Variants in MARCKS observed in about 807,000 individuals in gnomAD.
MARCKS encodes myristoylated alanine-rich C-kinase substrate.
A neutral mutation model predicts 6.3 loss-of-function variants in MARCKS; 4 were observed. The ratio of observed to expected loss-of-function variants is 0.63; its 90% CI spans 0.31 to 1.45. The LOEUF (loss-of-function observed/expected upper bound fraction) is 1.45, where lower values mean the gene tolerates loss of function less well. Ranked by LOEUF, MARCKS falls within the 40% of genes most tolerant of loss-of-function variation. MARCKS has a pLI of 0.07. For synonymous variants in MARCKS, 289 were observed against 236.5 expected, an observed-to-expected ratio of 1.22 and a Z score of -2.04; for missense variants, 636 against 485.7, an observed-to-expected ratio of 1.31 and a Z score of -2.91.
At position 113,860,443 on chromosome 6, in the gene MARCKS, G is replaced by A. The variant is rs1233492022; in HGVS notation, c.863G>A (p.Gly288Asp). 4.2e-6 allele frequency: 5 copies of A among 1,203,266 alleles called. No homozygotes were observed. Among genetic ancestry groups the A allele is most frequent in the Non-Finnish European group, 5.2e-6 (5 of 957,662 alleles). 74.5% of individuals were successfully genotyped at this position (1,203,266 alleles called of 1,614,324 possible). A position where few individuals can be genotyped will look rare whatever the true frequency, so the allele number is the denominator to read the frequency against. The change falls in exon 2 of 2, where the codon GGC becomes GAC. Residue 288 changes from glycine (G) to aspartate (D), a missense_variant. Transcript: ENST00000612661. ...ACEAPSAAGP[G>D]APPEQEAAPA... ...GAGGCCCCCTCCGCCGCCGGGCCCG[G>A]CGCGCCCCCGGAGCAGGAGGCAGCC...
chr6:113,858,202 CG>C (rs1427741209), intron 1 of MARCKS, among the ~76,000 whole-genome samples: 1 of 150,726 alleles, frequency 6.6e-6, no homozygotes, highest in East Asian at 2.0e-4. Flanking sequence ...GGGTGTCTCT[CG>C]GGTTTGTTGT....
Position 113,857,597 on chromosome 6 carries a change from ACCACCC to A in MARCKS, c.-140_-135del. On this transcript the variant is annotated 5_prime_UTR_variant, in exon 1 of 2. Coordinates refer to ENST00000612661, the MANE Select transcript of MARCKS (RefSeq NM_002356.7). ...TAATCGGTTCTGTTCTGTCCTCTCC[ACCACCC>A]CCACCCCCCTCCCTCCGGTGTGTGT... The A allele has an allele frequency of 4.7e-6, 1 of 213,428 alleles. No homozygotes were observed. Among genetic ancestry groups the A allele is most frequent in the Non-Finnish European group, 8.6e-6 (1 of 116,334 alleles). The allele number at this position is 213,428 out of a possible 1,614,324, so 13.2% of individuals were successfully genotyped here.
At position 113,860,138 on chromosome 6, in the gene MARCKS, G is replaced by T; in HGVS notation, c.558G>T (p.Ala186=). 1 of 1,473,928 alleles carries T rather than the reference G, an allele frequency of 6.8e-7. No homozygotes were observed. Among genetic ancestry groups the T allele is most frequent in the Non-Finnish European group, 9.0e-7 (1 of 1,106,254 alleles). The allele number at this position is 1,473,928 out of a possible 1,614,324, so 91.3% of individuals were successfully genotyped here. ...KEAGEGGEAE[A]PAAEGGKDEA... ...CTGGAGAAGGCGGTGAGGCTGAGGCGCCCGCTGCCGAAGGCGGCAAGGACG... is the reference window on the plus strand; with the variant it reads ...CTGGAGAAGGCGGTGAGGCTGAGGCTCCCGCTGCCGAAGGCGGCAAGGACG... Residue 186 remains alanine, a synonymous_variant, in exon 2 of 2, where the codon GCG becomes GCT. Coordinates refer to ENST00000612661, the MANE Select transcript of MARCKS (RefSeq NM_002356.7).
In MARCKS at chr6:113,860,681, A is replaced by G; in HGVS notation, c.*102A>G. On this transcript the variant is annotated 3_prime_UTR_variant, in exon 2 of 2. Transcript: ENST00000612661. Reference sequence around the variant, plus strand: ...TTGGAGAACTTGTCTACAACCAGGGATTGATTTTAAAGATGTCTTTTTTTA... The same window carrying G: ...TTGGAGAACTTGTCTACAACCAGGGGTTGATTTTAAAGATGTCTTTTTTTA... 2.5e-6 allele frequency: 2 copies of G among 789,482 alleles called. No individual in the cohort carries two copies. Among genetic ancestry groups the G allele is most frequent in the Non-Finnish European group, 1.8e-6 (1 of 552,934 alleles). The allele number at this position is 789,482 out of a possible 1,614,324, so 48.9% of individuals were successfully genotyped here.
chr6:113,859,939 C>T lies in MARCKS; in HGVS notation c.359C>T (p.Thr120Met), dbSNP rs1774860409. The T allele has an allele frequency of 6.7e-7, 1 of 1,483,838 alleles. No homozygotes were observed. The highest frequency in any genetic ancestry group is 2.9e-5 in the East Asian group (1 of 35,076). The allele number at this position is 1,483,838 out of a possible 1,614,324, so 91.9% of individuals were successfully genotyped here. Residue 120 changes from threonine to methionine, a missense_variant, in exon 2 of 2, where the codon ACG becomes ATG. Physicochemically the swap from Thr to Met is moderately conservative, Grantham distance 81. Transcript: ENST00000612661. Reference sequence around the variant, plus strand: ...GAGGCTGCCGAGCCCGGCTCGCCCACGGCCGCGGAGGGAGAGGCCGCGTCG... The same window carrying T: ...GAGGCTGCCGAGCCCGGCTCGCCCATGGCCGCGGAGGGAGAGGCCGCGTCG... ...EGEAAEPGSP[T>M]AAEGEAASAA... is the part of the protein sequence containing the mutation.
At position 113,861,084 on chromosome 6, in the gene MARCKS, T is replaced by C. The variant is rs1463324956; in HGVS notation, c.*505T>C. 2.0e-5 allele frequency: 3 copies of C among 151,230 alleles called. No homozygotes were observed. Among genetic ancestry groups the C allele is most frequent in the African/African-American group, 7.3e-5 (3 of 41,130 alleles). 9.4% of individuals were successfully genotyped at this position (151,230 alleles called of 1,614,324 possible). A position where few individuals can be genotyped will look rare whatever the true frequency, so the allele number is the denominator to read the frequency against. On this transcript the variant is annotated 3_prime_UTR_variant, in exon 2 of 2. Transcript: ENST00000612661. ...TGGTGTAAAGGCTGTCTTTTTTTTTTTTTTAAAAGAAAAGTTATTACCATG... is the reference window on the plus strand; with the variant it reads ...TGGTGTAAAGGCTGTCTTTTTTTTTCTTTTAAAAGAAAAGTTATTACCATG...
intron 1 of MARCKS, among the ~76,000 whole-genome samples, chr6:113,858,997 C>A (rs1381165754): frequency 6.6e-6 from 1 of 152,094 alleles, no homozygotes; most frequent in African/African-American, 2.4e-5. Context: ...GATCCGGGCT[C>A]GGGGGCGCCT....
chr6:113,860,308 C>A lies in MARCKS; in HGVS notation c.728C>A (p.Ala243Asp). 1 of 1,289,060 alleles carries A rather than the reference C, an allele frequency of 7.8e-7. No homozygotes were observed. The highest frequency in any genetic ancestry group is 5.7e-5 in the East Asian group (1 of 17,628). 79.9% of individuals were successfully genotyped at this position (1,289,060 alleles called of 1,614,324 possible). A position where few individuals can be genotyped will look rare whatever the true frequency, so the allele number is the denominator to read the frequency against. Residue 243 changes from alanine to aspartate, a missense_variant, in exon 2 of 2, where the codon GCT becomes GAT. Physicochemically the swap from Ala to Asp is moderately radical, Grantham distance 126 (BLOSUM62 -2). Coordinates refer to ENST00000612661, the MANE Select transcript of MARCKS (RefSeq NM_002356.7). ...DPQEAKPQEA[A>D]VAPEKPPASD... ...CAGGAGGCCAAGCCCCAGGAGGCCG[C>A]TGTCGCGCCAGAGAAGCCGCCCGCC... is the stretch of plus-strand genomic sequence containing the variant.
rs1284512238 is a variant in MARCKS at position 113,860,045 on chromosome 6, G to A, written c.465G>A (p.Lys155=). The change falls in exon 2 of 2, where the codon AAG becomes AAA. Residue 155 remains lysine, a synonymous_variant. Transcript: ENST00000612661. Reference sequence around the variant, plus strand: ...GCAACGAGACCCCGAAAAAAAAAAAGAAGCGCTTTTCCTTCAAGAAGTCTT... The same window carrying A: ...GCAACGAGACCCCGAAAAAAAAAAAAAAGCGCTTTTCCTTCAAGAAGTCTT... ...SPSNETPKKK[K]KRFSFKKSFK... 1.9e-6 allele frequency: 3 copies of A among 1,565,262 alleles called. No homozygotes were observed. Among genetic ancestry groups the A allele is most frequent in the African/African-American group, 1.4e-5 (1 of 71,324 alleles).
Position 113,860,726 on chromosome 6 carries a change from C to A in MARCKS, c.*147C>A. Reference sequence around the variant, plus strand: ...TTTTTATTTTACTTTTTTTTAAGCACCAAATTTTGTTGTTTTTTTTTTTTC... The same window carrying A: ...TTTTTATTTTACTTTTTTTTAAGCAACAAATTTTGTTGTTTTTTTTTTTTC... On this transcript the variant is annotated 3_prime_UTR_variant, in exon 2 of 2. Transcript: ENST00000612661. 2.0e-6 allele frequency: 1 copy of A among 509,612 alleles called. No individual in the cohort carries two copies. The allele number at this position is 509,612 out of a possible 1,614,324, so 31.6% of individuals were successfully genotyped here.
Position 113,860,475 on chromosome 6 carries a change from G to A in MARCKS, c.895G>A (p.Glu299Lys), listed in dbSNP as rs745339668. Residue 299 changes from glutamate to lysine, a missense_variant, in exon 2 of 2, where the codon GAG (glutamate) becomes AAG (lysine). Physicochemically the swap from Glu to Lys is moderately conservative, Grantham distance 56 (BLOSUM62 1). Transcript: ENST00000612661. ...CCCGGAGCAGGAGGCAGCCCCCGCG[G>A]AGGAGCCCGCGGCCGCCGCAGCCTC... ...APPEQEAAPA[E>K]EPAAAAASSA... 2 of 1,459,848 alleles carry A rather than the reference G, an allele frequency of 1.4e-6. No homozygotes were observed. The highest frequency in any genetic ancestry group is 1.9e-4 in the Middle Eastern group (1 of 5,206). The allele number at this position is 1,459,848 out of a possible 1,614,324, so 90.4% of individuals were successfully genotyped here. A position where few individuals can be genotyped will look rare whatever the true frequency, so the allele number is the denominator to read the frequency against.
rs1774867323 is a variant in MARCKS, at chr6:113,860,162, C to G, written c.582C>G (p.Asp194Glu). ...AEAPAAEGGK[D>E]EAAGGAAAAA... ...CGCCCGCTGCCGAAGGCGGCAAGGACGAGGCCGCCGGGGGCGCAGCTGCGG... is the reference window on the plus strand; with the variant it reads ...CGCCCGCTGCCGAAGGCGGCAAGGAGGAGGCCGCCGGGGGCGCAGCTGCGG... Residue 194 changes from aspartate to glutamate, a missense_variant, in exon 2 of 2, where the codon GAC becomes GAG. Coordinates refer to ENST00000612661, the MANE Select transcript of MARCKS (RefSeq NM_002356.7). The G allele has an allele frequency of 1.5e-6, 2 of 1,372,034 alleles. No homozygotes were observed. Among genetic ancestry groups the G allele is most frequent in the South Asian group, 1.6e-5 (1 of 62,982 alleles). 85.0% of individuals were successfully genotyped at this position (1,372,034 alleles called of 1,614,324 possible). A position where few individuals can be genotyped will look rare whatever the true frequency, so the allele number is the denominator to read the frequency against.
At position 113,860,245 on chromosome 6, in the gene MARCKS, C is replaced by T; in HGVS notation, c.665C>T (p.Ala222Val). 1.9e-6 allele frequency: 2 copies of T among 1,080,558 alleles called. No homozygotes were observed. The highest frequency in any genetic ancestry group is 3.2e-5 in the South Asian group (1 of 31,694). 66.9% of individuals were successfully genotyped at this position (1,080,558 alleles called of 1,614,324 possible). ...GEQAAAPGEEAAAGEEGAAGG... is the reference protein window; with the variant it reads ...GEQAAAPGEEVAAGEEGAAGG... ...CAGGCAGCGGCGCCGGGCGAGGAGG[C>T]GGCAGCGGGCGAGGAGGGGGCGGCG... The change falls in exon 2 of 2, where the codon GCG becomes GTG. Residue 222 changes from alanine to valine, a missense_variant. Coordinates refer to ENST00000612661, the MANE Select transcript of MARCKS (RefSeq NM_002356.7).
In MARCKS at chr6:113,858,621, C is replaced by T. The variant is rs1475491795; in HGVS notation, c.102+774C>T. ...GGCGCCTCGACCACCCGCGAGGGGC[C>T]GCCCGGCGCTGCCCGGACCCAGGCA... On this transcript the variant is annotated intron_variant, in intron 1 of 1. Transcript: ENST00000612661. Among the ~76,000 whole-genome samples the T allele has an allele frequency of 5.3e-5, 8 of 152,214 alleles. No individual in the cohort carries two copies. In the East Asian group the frequency reaches 1.2e-3, roughly 22 times the overall value.
chr6:113,858,603 C>G (rs1327070157), intron 1 of MARCKS, among the ~76,000 whole-genome samples: 2 of 152,200 alleles, frequency 1.3e-5, no homozygotes, highest in Non-Finnish European at 2.9e-5. Context: ...CGTGGCGCCT[C>G]GACCACCCGC....
chr6:113,859,584 G>C, intron 1 of MARCKS, 99 bp from the exon 2 acceptor site: 1 of 1,096,876 alleles, frequency 9.1e-7, no homozygotes, highest in Middle Eastern at 3.4e-4. Context: ...GGCCACAGGG[G>C]CCTTAGGGGG....
chr6:113,862,148 G>A lies in MARCKS; in HGVS notation c.*1569G>A, dbSNP rs1278931719. On this transcript the variant is annotated 3_prime_UTR_variant, in exon 2 of 2. Coordinates refer to ENST00000612661, the MANE Select transcript of MARCKS (RefSeq NM_002356.7). ...ATGTCTTATGAGAAAATTTCATAAAGCCATTCTCTTGTCATTCAGGTCCAG... is the reference window on the plus strand; with the variant it reads ...ATGTCTTATGAGAAAATTTCATAAAACCATTCTCTTGTCATTCAGGTCCAG... 6.6e-6 allele frequency: 1 copy of A among 152,096 alleles called. No homozygotes were observed. The highest frequency in any genetic ancestry group is 1.9e-4 in the East Asian group (1 of 5,202). 9.4% of individuals were successfully genotyped at this position (152,096 alleles called of 1,614,324 possible).
rs1219219088 is a variant in MARCKS, at chr6:113,860,825, CCTT to C, written c.*251_*253del. ...CAACAGGTCGAGGAGAGCTTAAACA[CCTT>C]CTTCCTCTGCCTTGTTTCTCTTTTA... On this transcript the variant is annotated 3_prime_UTR_variant, in exon 2 of 2. Transcript: ENST00000612661. 7.0e-6 allele frequency: 2 copies of C among 285,122 alleles called. No individual in the cohort carries two copies. The highest frequency in any genetic ancestry group is 1.3e-5 in the Non-Finnish European group (2 of 153,182). The allele number at this position is 285,122 out of a possible 1,614,324, so 17.7% of individuals were successfully genotyped here.
At position 113,860,066 on chromosome 6, in the gene MARCKS, G is replaced by A; in HGVS notation, c.486G>A (p.Lys162=). The A allele has an allele frequency of 6.3e-7, 1 of 1,577,498 alleles. No homozygotes were observed. ...KKKKKRFSFK[K]SFKLSGFSFK... ...AAAAGAAGCGCTTTTCCTTCAAGAA[G>A]TCTTTCAAGCTGAGCGGCTTCTCCT... Residue 162 remains lysine (K), a synonymous_variant, in exon 2 of 2, where the codon AAG becomes AAA. Transcript: ENST00000612661.
Sources: gnomAD v4.1 joint callset for allele counts (sites outside exome capture counted in the v4.1 genomes callset) on GRCh38, gnomAD v4.1.1 for gene constraint, MANE v1.5 for transcripts, NCBI Gene and HGNC (gene_info 2026-07-23, HGNC 2026-07-21) for gene names.